The following CFAP20DC variants were observed in gnomAD, a reference collection of about 807,000 sequenced individuals.
CFAP20DC encodes the protein CFAP20 domain containing, also known as protein CFAP20DC.
A neutral mutation model predicts 101.7 loss-of-function variants in CFAP20DC; 84 were observed. The observed-to-expected ratio is 0.83, with a 90% CI of 0.69 to 0.99. The LOEUF (loss-of-function observed/expected upper bound fraction) is 0.99, where lower values mean the gene tolerates loss of function less well. CFAP20DC is among the 50% of genes least tolerant of loss of function. CFAP20DC has a pLI of 0.00. For synonymous variants in CFAP20DC, 359 were observed against 351.2 expected, an observed-to-expected ratio of 1.02 and a Z score of -0.25; for missense variants, 1,007 against 970.3, an observed-to-expected ratio of 1.04 and a Z score of -0.50.
rs539142381 is a variant in CFAP20DC, at chr3:58,813,145, T to A, written c.2176-6689A>T. Among the ~76,000 whole-genome samples the A allele has an allele frequency of 9.9e-5, 15 of 151,906 alleles. 1 individual carries two copies. Among genetic ancestry groups the A allele is most frequent in the African/African-American group, 3.6e-4 (15 of 41,280 alleles). On this transcript the variant is annotated intron_variant, in intron 14 of 16. Coordinates refer to ENST00000482387, the MANE Select transcript of CFAP20DC (RefSeq NM_001394063.1). ...TGTATAACACAACCTCAAGTACTGA[T>A]CAATAAGCTGAAAAAAATGATGCCA...
At chr3:58,736,776 A>C (rs960033973) in intron 3 of CFAP20DC, among the ~76,000 whole-genome samples, 1 of 152,246 alleles carries the variant, frequency 6.6e-6, no homozygotes, top group African/African-American at 2.4e-5. Flanking sequence ...ATGAAAACCA[A>C]TCAATACTAT....
At chr3:58,821,401 A>C (rs2075634068) in intron 14 of CFAP20DC, among the ~76,000 whole-genome samples, 1 of 152,196 alleles carries the variant, frequency 6.6e-6, no homozygotes, top group Non-Finnish European at 1.5e-5. Context: ...CTCATCTGAC[A>C]AAGGGCTAAT....
chr3:58,759,793 T>C (rs1393971003), intron 15 of CFAP20DC, among the ~76,000 whole-genome samples: 1 of 152,240 alleles, frequency 6.6e-6, no homozygotes, highest in Non-Finnish European at 1.5e-5. Flanking sequence ...AAATAGGTAA[T>C]CCTTTCCCCA....
At position 58,870,262 on chromosome 3, in the gene CFAP20DC, G is replaced by A; in HGVS notation, c.763C>T (p.Gln255Ter). 8 of 1,613,950 alleles carry A rather than the reference G, an allele frequency of 5.0e-6. No individual in the cohort carries two copies. Among genetic ancestry groups the A allele is most frequent in the Non-Finnish European group, 6.8e-6 (8 of 1,179,866 alleles). The change falls in exon 8 of 17, where the codon CAA (glutamine) becomes TAA (stop). Residue 255 changes from glutamine to a stop codon, truncating the protein, a stop_gained. Coordinates refer to ENST00000482387, the MANE Select transcript of CFAP20DC (RefSeq NM_001394063.1). LOFTEE classifies it high-confidence loss of function. Reference sequence around the variant, plus strand: ...CCAAATGCGATATGACAAACATCTTGATTTTTACTGTTCCGTGTAATACTT... The same window carrying A: ...CCAAATGCGATATGACAAACATCTTAATTTTTACTGTTCCGTGTAATACTT... The part of the protein sequence containing the change: ...GTSITRNSKN[Q>*]DVCHIAFGSK...
intron 15 of CFAP20DC, among the ~76,000 whole-genome samples, chr3:58,798,601 C>T (rs2073430378): frequency 6.6e-6 from 1 of 152,138 alleles, no homozygotes. Flanking sequence ...CATGGTTGGG[C>T]AAGATTAACT....
At chr3:58,932,219 G>A (rs1393643695) in intron 5 of CFAP20DC, among the ~76,000 whole-genome samples, 1 of 152,112 alleles carries the variant, frequency 6.6e-6, no homozygotes, top group Non-Finnish European at 1.5e-5. Flanking sequence ...GGGAAGTTTA[G>A]AGAAAAAAGA....
At position 58,882,045 on chromosome 3, in the gene CFAP20DC, C is replaced by T. The variant is rs1198457943; in HGVS notation, c.715+2500G>A. The stretch of plus-strand genomic sequence containing the variant: ...TGTTTGTGTAATCTTAGCTGGCATA[C>T]ATGTGCAATGAGATTTATTTAAGAA... On this transcript the variant is annotated intron_variant, in intron 7 of 16. Transcript: ENST00000482387. This position sits in a 1 kb window ranked among gnomAD's most constrained non-coding sequence, Gnocchi z 4.2. Among the ~76,000 whole-genome samples, 1 of 152,104 alleles carries T rather than the reference C, an allele frequency of 6.6e-6. No homozygotes were observed. The highest frequency in any genetic ancestry group is 2.4e-5 in the African/African-American group (1 of 41,446).
chr3:58,772,869 A>C lies in CFAP20DC; in HGVS notation c.2238-19006T>G, dbSNP rs140034774. ...ATATATGCATAACAATGTATTTTCT[A>C]ATATATGCATAGAAAATTTCTGAAG... On this transcript the variant is annotated intron_variant, in intron 15 of 16. Coordinates refer to ENST00000482387, the MANE Select transcript of CFAP20DC (RefSeq NM_001394063.1). Among the ~76,000 whole-genome samples the C allele has an allele frequency of 1.7e-3, 262 of 152,306 alleles. 1 individual carries two copies. Among genetic ancestry groups the C allele is most frequent in the African/African-American group, 6.0e-3 (248 of 41,570 alleles).
intron 16 of CFAP20DC, among the ~76,000 whole-genome samples, chr3:58,747,972 T>G (rs1425494765): frequency 5.3e-5 from 8 of 152,206 alleles, no homozygotes; most frequent in Admixed American, 4.6e-4. Flanking sequence ...TGCATTATTA[T>G]ATTTCAGGTG....
intron 15 of CFAP20DC, among the ~76,000 whole-genome samples, chr3:58,767,355 T>C (rs1002537107): frequency 2.6e-5 from 4 of 152,168 alleles, no homozygotes; most frequent in Non-Finnish European, 5.9e-5. Context: ...AAAAATTTAA[T>C]TTTCTACCTC....
intron 3 of CFAP20DC, among the ~76,000 whole-genome samples, chr3:59,045,853 TCA>T (rs1223080400): frequency 6.6e-6 from 1 of 152,068 alleles, no homozygotes; most frequent in African/African-American, 2.4e-5. Context: ...GGAACCAACC[TCA>T]GTTTGTTCAT....
chr3:59,027,984 A>G (rs1366059503), intron 4 of CFAP20DC, among the ~76,000 whole-genome samples: 1 of 152,250 alleles, frequency 6.6e-6, no homozygotes, highest in Non-Finnish European at 1.5e-5. Context: ...TAAGCAAGTC[A>G]AGATGATTTT....
intron 7 of CFAP20DC, among the ~76,000 whole-genome samples, chr3:58,872,465 G>T (rs1479043182): frequency 6.6e-6 from 1 of 152,178 alleles, no homozygotes; most frequent in Non-Finnish European, 1.5e-5. Context: ...AGTAGTGTGT[G>T]TATGTATGGG....
intron 13 of CFAP20DC, among the ~76,000 whole-genome samples, chr3:58,844,402 A>G (rs1268355474): frequency 7.3e-6 from 1 of 137,076 alleles, no homozygotes; most frequent in Non-Finnish European, 1.5e-5. Flanking sequence ...ACAAAGATCA[A>G]AAGAGACAAA....
At chr3:58,998,243 T>C (rs1306603210) in intron 4 of CFAP20DC, among the ~76,000 whole-genome samples, 1 of 152,182 alleles carries the variant, frequency 6.6e-6, no homozygotes, top group African/African-American at 2.4e-5. Context: ...TCTTCTGAAG[T>C]AGTAAAAGAT....
At chr3:59,031,654 T>C (rs1340633251) in intron 4 of CFAP20DC, among the ~76,000 whole-genome samples, 1 of 152,160 alleles carries the variant, frequency 6.6e-6, no homozygotes, top group African/African-American at 2.4e-5. Context: ...TAAGACTGAA[T>C]AAAACAAACG....
chr3:58,956,404 G>A (rs968659958), intron 4 of CFAP20DC, among the ~76,000 whole-genome samples: 6 of 152,090 alleles, frequency 3.9e-5, no homozygotes, highest in African/African-American at 1.2e-4. Flanking sequence ...AGTACTCCCA[G>A]TGGGCATGAG....
chr3:59,042,679 T>C (rs1699504214), intron 3 of CFAP20DC, among the ~76,000 whole-genome samples: 1 of 152,142 alleles, frequency 6.6e-6, no homozygotes, highest in Non-Finnish European at 1.5e-5. Context: ...ATTACTTATG[T>C]GTTTCTTACA....
At chr3:58,998,487 G>A (rs148057372) in intron 4 of CFAP20DC, among the ~76,000 whole-genome samples, 155 of 152,246 alleles carry the variant, frequency 1.0e-3, no homozygotes, top group African/African-American at 3.5e-3. Context: ...GCTTTACTGC[G>A]TCCTTACCAT....
Sources: allele counts gnomAD v4.1 joint callset (sites outside exome capture counted in the v4.1 genomes callset), GRCh38; gene constraint gnomAD v4.1.1; non-coding constraint Gnocchi (gnomAD v3.1); transcripts MANE v1.5; gene names NCBI Gene and HGNC (gene_info 2026-07-23, HGNC 2026-07-21).